The following SMARCD3 variants were observed in gnomAD, a reference collection of about 807,000 sequenced individuals.
SMARCD3 encodes the protein SWI/SNF related BAF chromatin remodeling complex subunit D3, also known as SWI/SNF-related matrix-associated actin-dependent regulator of chromatin subfamily D member 3.
A neutral mutation model predicts 58.0 loss-of-function variants in SMARCD3; 14 were observed. That is an observed-to-expected ratio of 0.24 (90% confidence interval 0.16 to 0.38). The LOEUF (loss-of-function observed/expected upper bound fraction) is 0.38, where lower values mean the gene tolerates loss of function less well. Ranked by LOEUF, SMARCD3 falls within the 10% of genes least tolerant of loss-of-function variation. SMARCD3 has a pLI of 1.00. For synonymous variants in SMARCD3, 253 were observed against 253.8 expected (o/e 1.00, Z 0.03); for missense variants, 408 against 636.9 (o/e 0.64, Z 3.87).
chr7:151,272,777 G>T (rs140372119), intron 2 of SMARCD3, among the ~76,000 whole-genome samples: 1 of 152,230 alleles, frequency 6.6e-6, no homozygotes, highest in East Asian at 1.9e-4. Flanking sequence ...AGGAGCACAG[G>T]GGGACACAGC....
upstream of SMARCD3, among the ~76,000 whole-genome samples, chr7:151,251,915 C>T (rs1366910049): frequency 6.8e-6 from 1 of 146,362 alleles, no homozygotes; most frequent in Non-Finnish European, 1.5e-5. Flanking sequence ...GCTGGGGGGG[C>T]TCGGGCCGGC....
Position 151,241,436 on chromosome 7 carries a change from C to T in SMARCD3, c.939+56G>A, listed in dbSNP as rs1373989267. On this transcript the variant is annotated intron_variant, in intron 8 of 12. Coordinates refer to ENST00000262188, the MANE Select transcript of SMARCD3 (RefSeq NM_001003801.2). This position sits in a 1 kb window ranked among gnomAD's most constrained non-coding sequence, Gnocchi z 5.3. ...GTAGTTACCTTGGTAGAGGTACTTC[C>T]CCTGCTGGAGAACTCCGCCTGCTCC... is the stretch of plus-strand genomic sequence containing the variant. 8.1e-6 allele frequency: 12 copies of T among 1,488,240 alleles called. No individual in the cohort carries two copies. The highest frequency in any genetic ancestry group is 1.1e-5 in the Non-Finnish European group (12 of 1,077,566). The allele number at this position is 1,488,240 out of a possible 1,614,324, so 92.2% of individuals were successfully genotyped here.
At chr7:151,262,945 C>T (rs1441511757) in intron 2 of SMARCD3, among the ~76,000 whole-genome samples, 1 of 152,180 alleles carries the variant, frequency 6.6e-6, no homozygotes, top group South Asian at 2.1e-4. Context: ...CCTGCAGAGC[C>T]CAGCAGGCTA....
Position 151,239,390 on chromosome 7 carries a change from G to A in SMARCD3, c.1398+6C>T, listed in dbSNP as rs1457255609. On this transcript the variant is annotated splice_donor_region_variant and intron_variant, in intron 12 of 12. Transcript: ENST00000262188. This position sits in a 1 kb window ranked among gnomAD's most constrained non-coding sequence, Gnocchi z 7.0. Reference sequence around the variant, plus strand: ...GGGAAGCCTCAGGGCAAGGGTCCCTGCATACCTTGCAGTAGAAGTAGCGAC... The same window carrying A: ...GGGAAGCCTCAGGGCAAGGGTCCCTACATACCTTGCAGTAGAAGTAGCGAC... The A allele has an allele frequency of 6.2e-7, 1 of 1,607,554 alleles. No individual in the cohort carries two copies. The highest frequency in any genetic ancestry group is 2.2e-5 in the East Asian group (1 of 44,844).
At chr7:151,254,295 C>A (rs1267212667) in intron 2 of SMARCD3, 2 of 152,378 alleles carry the variant, frequency 1.3e-5, no homozygotes, top group Non-Finnish European at 2.9e-5. Context: ...TCCTACCTAC[C>A]TTCCCATCTC....
chr7:151,254,898 G>C (rs1163834655), intron 2 of SMARCD3, among the ~76,000 whole-genome samples: 1 of 152,216 alleles, frequency 6.6e-6, no homozygotes, highest in Non-Finnish European at 1.5e-5. Context: ...GAAGTGAATA[G>C]TTAACAAAAA....
At chr7:151,254,627 C>T (rs550891963) in intron 2 of SMARCD3, 1 of 152,518 alleles carries the variant, frequency 6.6e-6, no homozygotes, top group South Asian at 2.1e-4. Flanking sequence ...TCCTGTGTTC[C>T]CCAGGCCCCA....
intron 2 of SMARCD3, among the ~76,000 whole-genome samples, chr7:151,273,525 A>G (rs1795242327): frequency 6.6e-6 from 1 of 152,172 alleles, no homozygotes; most frequent in South Asian, 2.1e-4. Flanking sequence ...ACACCCCAGA[A>G]CTGTAGAGTG....
At chr7:151,252,456 C>A (rs1326281590), upstream of SMARCD3, among the ~76,000 whole-genome samples, 1 of 131,202 alleles carries the variant, frequency 7.6e-6, no homozygotes, top group Non-Finnish European at 1.7e-5. Context: ...AGAGAGAGAG[C>A]GAGAGAACGC....
chr7:151,256,803 G>T (rs1324274903), intron 2 of SMARCD3, among the ~76,000 whole-genome samples: 1 of 152,022 alleles, frequency 6.6e-6, no homozygotes, highest in Non-Finnish European at 1.5e-5. Context: ...AGAACTTCCA[G>T]AGCCTCCCAC....
At chr7:151,265,754 G>A (rs746378633) in intron 2 of SMARCD3, among the ~76,000 whole-genome samples, 1 of 152,212 alleles carries the variant, frequency 6.6e-6, no homozygotes, top group Non-Finnish European at 1.5e-5. Context: ...TCTGATCTCG[G>A]TCTCCTCATC....
chr7:151,251,750 G>A (rs1347217410), upstream of SMARCD3, among the ~76,000 whole-genome samples: 1 of 151,780 alleles, frequency 6.6e-6, no homozygotes, highest in Non-Finnish European at 1.5e-5. Flanking sequence ...AGTCCCCCCT[G>A]CCGTCCCCCC....
chr7:151,251,312 C>T (rs891630780), upstream of SMARCD3, among the ~76,000 whole-genome samples: 10 of 152,164 alleles, frequency 6.6e-5, no homozygotes, highest in Non-Finnish European at 1.3e-4. Flanking sequence ...CACACACACC[C>T]TCCCAACACA....
chr7:151,244,299 T>C (rs1251390311), intron 2 of SMARCD3, among the ~76,000 whole-genome samples: 1 of 152,148 alleles, frequency 6.6e-6, no homozygotes, highest in Non-Finnish European at 1.5e-5. Flanking sequence ...GCTGCAGCCA[T>C]AGGCGCCCAG....
chr7:151,254,936 T>G (rs1388965532), intron 2 of SMARCD3, among the ~76,000 whole-genome samples: 1 of 152,154 alleles, frequency 6.6e-6, no homozygotes, highest in Non-Finnish European at 1.5e-5. Flanking sequence ...AACAAATTTT[T>G]GGGAATATTA....
chr7:151,240,148 C>T lies in SMARCD3; in HGVS notation c.1137G>A (p.Thr379=), dbSNP rs761212897. 35 of 1,614,142 alleles carry T rather than the reference C, an allele frequency of 2.2e-5. No individual in the cohort carries two copies. Among genetic ancestry groups the T allele is most frequent in the Non-Finnish European group, 2.9e-5 (34 of 1,180,044 alleles). ...GAGCACTGATCTCCTGCTGGTTGGC[C>T]GTGGATAGGAGGAAGCTGCTCATCT... ...KGQMSSFLLS[T]ANQQEISALD... The change falls in exon 10 of 13, where the codon ACG becomes ACA. Residue 379 remains threonine (T), a synonymous_variant. Coordinates refer to ENST00000262188, the MANE Select transcript of SMARCD3 (RefSeq NM_001003801.2).
chr7:151,272,238 T>C (rs1795196805), intron 2 of SMARCD3, among the ~76,000 whole-genome samples: 1 of 152,196 alleles, frequency 6.6e-6, no homozygotes, highest in East Asian at 1.9e-4. Flanking sequence ...TTTTATCTCA[T>C]GCACAGTGTA....
At chr7:151,254,322 G>C (rs1803629319) in intron 2 of SMARCD3, 2 of 152,358 alleles carry the variant, frequency 1.3e-5, no homozygotes, top group African/African-American at 4.8e-5. Context: ...GATGCTGGCT[G>C]CATCCAGATG....
In SMARCD3 at chr7:151,243,919, C is replaced by G. The variant is rs1803129521; in HGVS notation, c.291-218G>C. ...ACCCATCCATTCTCTGGCCTGGGAG[C>G]CCCCTTCTACCCTGCCACATCCTCA... On this transcript the variant is annotated intron_variant, in intron 2 of 12. Coordinates refer to ENST00000262188, the MANE Select transcript of SMARCD3 (RefSeq NM_001003801.2). This position sits in a 1 kb window ranked among gnomAD's most constrained non-coding sequence, Gnocchi z 4.4. Among the ~76,000 whole-genome samples, 1 of 152,210 alleles carries G rather than the reference C, an allele frequency of 6.6e-6. No homozygotes were observed. The highest frequency in any genetic ancestry group is 1.5e-5 in the Non-Finnish European group (1 of 68,038).
Sources: gnomAD v4.1 joint callset for allele counts (sites outside exome capture counted in the v4.1 genomes callset) on GRCh38, gnomAD v4.1.1 for gene constraint, Gnocchi (gnomAD v3.1) non-coding constraint, MANE v1.5 for transcripts, NCBI Gene and HGNC (gene_info 2026-07-23, HGNC 2026-07-21) for gene names.